The following PDE4D variants were observed in gnomAD, a reference collection of about 807,000 sequenced individuals.
PDE4D encodes the protein 3',5'-cyclic-AMP phosphodiesterase 4D.
A neutral mutation model predicts 87.4 loss-of-function variants in PDE4D; 24 were observed. The observed-to-expected ratio is 0.27, with a 90% CI of 0.20 to 0.39. The LOEUF (loss-of-function observed/expected upper bound fraction) is 0.39, where lower values mean the gene tolerates loss of function less well. PDE4D is among the 10% of genes least tolerant of loss of function. The probability of loss-of-function intolerance (pLI) is 1.00; values close to 1 mark genes in which losing one functional copy is unlikely to be tolerated. For synonymous variants in PDE4D, 384 were observed against 383.2 expected (o/e 1.00, Z -0.02); for missense variants, 714 against 1,041.0 (o/e 0.69, Z 4.32).
chr5:59,178,749 TA>T (rs1015910026), intron 5 of PDE4D, among the ~76,000 whole-genome samples: 2 of 152,170 alleles, frequency 1.3e-5, no homozygotes, highest in Admixed American at 6.5e-5. Flanking sequence ...GACCTCAAGC[TA>T]AAAAAGCTTC....
intron 2 of PDE4D, among the ~76,000 whole-genome samples, chr5:60,000,649 C>T (rs1354160846): frequency 6.6e-6 from 1 of 152,062 alleles, no homozygotes; most frequent in Non-Finnish European, 1.5e-5. Flanking sequence ...AAATAAAAAT[C>T]GTATAATATT....
chr5:59,439,478 G>A (rs988872575), intron 1 of PDE4D, among the ~76,000 whole-genome samples: 1 of 152,104 alleles, frequency 6.6e-6, no homozygotes, highest in Non-Finnish European at 1.5e-5. Flanking sequence ...CACCTTTCTG[G>A]TATCAGTTTC....
chr5:59,526,480 A>T (rs1167077596), intron 1 of PDE4D, among the ~76,000 whole-genome samples: 2 of 152,220 alleles, frequency 1.3e-5, no homozygotes, highest in Non-Finnish European at 2.9e-5. Context: ...CCACTTTTAA[A>T]ATCAGGTAAA....
At chr5:59,396,602 C>T (rs1789473822) in intron 1 of PDE4D, among the ~76,000 whole-genome samples, 1 of 93,114 alleles carries the variant, frequency 1.1e-5, no homozygotes, top group Non-Finnish European at 2.1e-5. Context: ...TGGAAAGGAA[C>T]AACCGGTACC....
intron 3 of PDE4D, among the ~76,000 whole-genome samples, chr5:59,191,210 A>G (rs1190494225): frequency 6.6e-6 from 1 of 152,112 alleles, no homozygotes; most frequent in African/African-American, 2.4e-5. Flanking sequence ...TGGAGATTAT[A>G]GGTACACTAC....
intron 1 of PDE4D, among the ~76,000 whole-genome samples, chr5:59,331,212 T>A (rs745498489): frequency 3.9e-5 from 6 of 152,192 alleles, no homozygotes; most frequent in Non-Finnish European, 7.4e-5. Context: ...GGGCTGCCAT[T>A]ACAAAATACC....
At chr5:59,746,651 G>A (rs990545693) in intron 1 of PDE4D, among the ~76,000 whole-genome samples, 8 of 151,880 alleles carry the variant, frequency 5.3e-5, no homozygotes, top group South Asian at 2.1e-4. Context: ...ACTCGCCAGC[G>A]TGACTCCTAG....
At chr5:59,314,644 G>A (rs1773340897) in intron 1 of PDE4D, 1 of 152,124 alleles carries the variant, frequency 6.6e-6, no homozygotes, top group Admixed American at 6.6e-5. Context: ...TGGGCAAGTA[G>A]AGGAACATAT....
chr5:59,356,354 C>G (rs1271677618), intron 1 of PDE4D, among the ~76,000 whole-genome samples: 2 of 152,172 alleles, frequency 1.3e-5, no homozygotes, highest in Non-Finnish European at 2.9e-5. Context: ...GCATTAGTTT[C>G]CATTTTTTCA....
chr5:59,234,128 A>G (rs1212171918), intron 1 of PDE4D, among the ~76,000 whole-genome samples: 1 of 152,182 alleles, frequency 6.6e-6, no homozygotes, highest in Non-Finnish European at 1.5e-5. Flanking sequence ...GTTCTCAAAT[A>G]AAAAATCAAG....
chr5:59,384,152 C>T (rs1194621594), intron 1 of PDE4D, among the ~76,000 whole-genome samples: 1 of 152,144 alleles, frequency 6.6e-6, no homozygotes, highest in Non-Finnish European at 1.5e-5. Context: ...GCAATCCTCC[C>T]ACCTGGGCCT....
chr5:60,242,941 G>C (rs2149662962), intron 1 of PDE4D, among the ~76,000 whole-genome samples: 1 of 151,828 alleles, frequency 6.6e-6, no homozygotes. Context: ...AGGAAAGCAA[G>C]AGCAAACCAA....
chr5:59,649,475 G>A (rs1309479082), intron 1 of PDE4D, among the ~76,000 whole-genome samples: 2 of 152,008 alleles, frequency 1.3e-5, no homozygotes, highest in African/African-American at 2.4e-5. Context: ...AAAGCAACAG[G>A]GAGCCAGAAG....
intron 1 of PDE4D, among the ~76,000 whole-genome samples, chr5:59,594,034 C>A (rs1826285008): frequency 6.6e-6 from 1 of 151,980 alleles, no homozygotes; most frequent in Non-Finnish European, 1.5e-5. Flanking sequence ...ATTAGAGCCT[C>A]ACTGACCTGG....
At chr5:60,046,187 G>A (rs1769218851) in intron 2 of PDE4D, among the ~76,000 whole-genome samples, 1 of 152,142 alleles carries the variant, frequency 6.6e-6, no homozygotes, top group Non-Finnish European at 1.5e-5. Context: ...TGGTGTATAA[G>A]AACGCTTGTG....
chr5:59,379,530 T>C (rs2441091), intron 1 of PDE4D, among the ~76,000 whole-genome samples: 38,850 of 151,912 alleles, frequency 0.26, 5,557 homozygotes, highest in East Asian at 0.39. Context: ...AATTGAGATT[T>C]GATGTACATA....
At chr5:59,447,885 T>A (rs998472021) in intron 1 of PDE4D, among the ~76,000 whole-genome samples, 6 of 152,178 alleles carry the variant, frequency 3.9e-5, no homozygotes, top group African/African-American at 1.4e-4. Context: ...CCCTGCCATC[T>A]CCCAATTTCT....
intron 2 of PDE4D, among the ~76,000 whole-genome samples, chr5:60,142,758 T>C (rs963883914): frequency 3.3e-5 from 5 of 152,136 alleles, no homozygotes; most frequent in South Asian, 2.1e-4. Context: ...AGAGAACCAC[T>C]GAAGATGAGT....
At chr5:59,401,993 A>G (rs1157957299) in intron 1 of PDE4D, among the ~76,000 whole-genome samples, 1 of 152,220 alleles carries the variant, frequency 6.6e-6, no homozygotes, top group Non-Finnish European at 1.5e-5. Context: ...CGAAGGTCAA[A>G]AAGATTTTCT....
Sources: allele counts gnomAD v4.1 joint callset (sites outside exome capture counted in the v4.1 genomes callset), GRCh38; gene constraint gnomAD v4.1.1; transcripts MANE v1.5; gene names NCBI Gene and HGNC (gene_info 2026-07-23, HGNC 2026-07-21).